The following LRRC37A2 variants were observed in gnomAD, a reference collection of about 807,000 sequenced individuals.
LRRC37A2 encodes the protein leucine rich repeat containing 37 member A2, also known as leucine-rich repeat-containing protein 37A2.
A neutral mutation model predicts 68.8 loss-of-function variants in LRRC37A2; 9 were observed. The ratio of observed to expected loss-of-function variants is 0.13; its 90% CI spans 0.08 to 0.23. The LOEUF (loss-of-function observed/expected upper bound fraction) is 0.23. Ranked by LOEUF, LRRC37A2 falls within the 10% of genes least tolerant of loss-of-function variation. The pLI is 1.00. For synonymous variants in LRRC37A2, 63 were observed against 367.6 expected (o/e 0.17, Z 9.48); for missense variants, 168 against 950.4 (o/e 0.18, Z 10.82).
chr17:46,843,166 G>C, the LRRC37A2 span, among the ~76,000 whole-genome samples: 1 of 152,258 alleles, frequency 6.6e-6, no homozygotes, highest in African/African-American at 2.4e-5. Flanking sequence ...ATTAATATCG[G>C]AGCTGGGGGA....
the LRRC37A2 span, chr17:46,886,299 T>G: frequency 6.6e-6 from 1 of 152,114 alleles, no homozygotes; most frequent in Admixed American, 6.5e-5. Context: ...TATCAATTGG[T>G]GGGGATGGAG....
the LRRC37A2 span, among the ~76,000 whole-genome samples, chr17:46,800,213 TG>T: frequency 6.6e-6 from 1 of 152,126 alleles, no homozygotes; most frequent in African/African-American, 2.4e-5. Context: ...CAGGTTCAAG[TG>T]ATTCTCCTGC....
chr17:46,969,444 T>A, the LRRC37A2 span, among the ~76,000 whole-genome samples: 1 of 152,252 alleles, frequency 6.6e-6, no homozygotes, highest in Admixed American at 6.5e-5. Context: ...CTGGGCTGTT[T>A]CCCCTATGTC....
At chr17:46,914,502 T>A in the LRRC37A2 span, among the ~76,000 whole-genome samples, 1 of 151,400 alleles carries the variant, frequency 6.6e-6, no homozygotes, top group African/African-American at 2.4e-5. Context: ...TACAAAAAAA[T>A]TAGCCAGGCG....
At chr17:46,977,741 A>G in the LRRC37A2 span, among the ~76,000 whole-genome samples, 12,828 of 152,310 alleles carry the variant, frequency 0.084, 789 homozygotes, top group Non-Finnish European at 0.12. Context: ...GGGTAGGGAC[A>G]AAGCAAGCCC....
the LRRC37A2 span, among the ~76,000 whole-genome samples, chr17:46,980,297 G>A: frequency 6.6e-6 from 1 of 152,032 alleles, no homozygotes; most frequent in African/African-American, 2.4e-5. Flanking sequence ...CCTGCTGGAT[G>A]TCTGAGTTTT....
the LRRC37A2 span, chr17:47,019,423 C>A: frequency 8.1e-6 from 13 of 1,611,030 alleles, no homozygotes; most frequent in East Asian, 2.2e-5. Context: ...ACGGAGGAGA[C>A]CTCAACTCAG....
At chr17:46,796,442 TG>T in the LRRC37A2 span, among the ~76,000 whole-genome samples, 1 of 152,330 alleles carries the variant, frequency 6.6e-6, no homozygotes, top group South Asian at 2.1e-4. Flanking sequence ...AGGCAGAGAT[TG>T]GCCCACATTA....
the LRRC37A2 span, among the ~76,000 whole-genome samples, chr17:46,784,664 G>A: frequency 8.5e-5 from 13 of 152,116 alleles, no homozygotes; most frequent in Admixed American, 8.5e-4. Context: ...CCCAGGTCTG[G>A]CTTGTGTTTT....
the LRRC37A2 span, among the ~76,000 whole-genome samples, chr17:46,799,446 C>CT: frequency 1.3e-4 from 16 of 121,556 alleles, 1 homozygote; most frequent in African/African-American, 4.0e-4. Context: ...ATTATTTCTA[C>CT]TTTTTTTTTT....
the LRRC37A2 span, among the ~76,000 whole-genome samples, chr17:46,789,501 T>A: frequency 6.6e-6 from 1 of 152,174 alleles, no homozygotes; most frequent in African/African-American, 2.4e-5. Flanking sequence ...TAGAATGGTA[T>A]GAGATGATGC....
chr17:46,788,714 C>T, the LRRC37A2 span, among the ~76,000 whole-genome samples: 2 of 152,076 alleles, frequency 1.3e-5, no homozygotes, highest in African/African-American at 4.8e-5. Flanking sequence ...AATCTAGCAC[C>T]TGCTTCAGCA....
At chr17:46,784,904 T>G in the LRRC37A2 span, among the ~76,000 whole-genome samples, 1 of 151,490 alleles carries the variant, frequency 6.6e-6, no homozygotes, top group Admixed American at 6.6e-5. Context: ...GCCTCCCGAG[T>G]AGCTGGGACT....
the LRRC37A2 span, among the ~76,000 whole-genome samples, chr17:46,926,940 T>C: frequency 6.6e-6 from 1 of 152,238 alleles, no homozygotes; most frequent in South Asian, 2.1e-4. Flanking sequence ...TGCTGGGTCA[T>C]AGCATGGACA....
chr17:46,851,064 T>C, the LRRC37A2 span, among the ~76,000 whole-genome samples: 4 of 152,198 alleles, frequency 2.6e-5, no homozygotes, highest in African/African-American at 9.7e-5. This position sits in a 1 kb window ranked among gnomAD's most constrained non-coding sequence, Gnocchi z 4.3. Flanking sequence ...TTCCCCCGCT[T>C]CCAGAGAGCG....
chr17:46,980,652 C>A, the LRRC37A2 span, among the ~76,000 whole-genome samples: 2 of 80,710 alleles, frequency 2.5e-5, no homozygotes, highest in African/African-American at 6.6e-5. Flanking sequence ...GAAACCCTGT[C>A]TCTACTAAAA....
At chr17:46,957,892 C>T in the LRRC37A2 span, among the ~76,000 whole-genome samples, 1 of 152,192 alleles carries the variant, frequency 6.6e-6, no homozygotes, top group Non-Finnish European at 1.5e-5. Flanking sequence ...GCAAGGCACT[C>T]ACCCAGGACG....
chr17:46,805,616 T>C, the LRRC37A2 span, among the ~76,000 whole-genome samples: 2 of 152,074 alleles, frequency 1.3e-5, no homozygotes, highest in African/African-American at 4.8e-5. Flanking sequence ...TAGCCACATA[T>C]GGTGCTTGCC....
At chr17:46,872,018 C>G in the LRRC37A2 span, among the ~76,000 whole-genome samples, 1 of 152,102 alleles carries the variant, frequency 6.6e-6, no homozygotes, top group Non-Finnish European at 1.5e-5. Flanking sequence ...GCTGGGTGTC[C>G]GCTCAATGTC....
Sources: gnomAD v4.1 joint callset for allele counts (sites outside exome capture counted in the v4.1 genomes callset) on GRCh38, gnomAD v4.1.1 for gene constraint, Gnocchi (gnomAD v3.1) non-coding constraint, MANE v1.5 for transcripts, NCBI Gene and HGNC (gene_info 2026-07-23, HGNC 2026-07-21) for gene names.